ALK: variants seen among roughly 807,000 people sequenced by gnomAD.
The protein encoded by ALK is ALK receptor tyrosine kinase, also known as ALK tyrosine kinase receptor.
In ALK, 74 loss-of-function variants were observed where a neutral mutation model predicts 163.1. The observed-to-expected ratio is 0.45, with a 90% confidence interval of 0.38 to 0.55. The LOEUF is 0.55. Among genes scored for constraint, ALK ranks in the 20% least tolerant of loss-of-function variants. The pLI, the probability that ALK is intolerant of heterozygous loss-of-function variation, is 0.00. For synonymous variants in ALK, 960 were observed against 843.2 expected, an observed-to-expected ratio of 1.14 and a Z score of -2.40; for missense variants, 2,063 against 2,105.3, an observed-to-expected ratio of 0.98 and a Z score of 0.39.
intron 3 of ALK, among the ~76,000 whole-genome samples, chr2:29,584,017 T>C (rs1173056939): frequency 6.6e-6 from 1 of 152,196 alleles, no homozygotes; most frequent in Non-Finnish European, 1.5e-5. Flanking sequence ...TTCTTGGATC[T>C]TAGCCCTGGA....
At chr2:29,676,628 T>C (rs544477821) in intron 3 of ALK, among the ~76,000 whole-genome samples, 1 of 152,148 alleles carries the variant, frequency 6.6e-6, no homozygotes, top group Non-Finnish European at 1.5e-5. Flanking sequence ...AAAAATATTG[T>C]GTCTATTCCA....
At chr2:29,566,183 T>C (rs1674183277) in intron 3 of ALK, among the ~76,000 whole-genome samples, 2 of 152,206 alleles carry the variant, frequency 1.3e-5, no homozygotes, top group Non-Finnish European at 2.9e-5. Flanking sequence ...TTTCTGCATG[T>C]TCGCGAGGGC....
At chr2:29,690,770 C>A (rs1473891894) in intron 3 of ALK, among the ~76,000 whole-genome samples, 1 of 152,192 alleles carries the variant, frequency 6.6e-6, no homozygotes, top group African/African-American at 2.4e-5. Flanking sequence ...AGTTCATTAT[C>A]TTTGATTGGT....
rs180756066 is a variant in ALK, at chr2:29,751,801, G to T, written c.668-34104C>A. ...TTCATGTTCTAGATTTTTAGGGACAGTTCCCAGCTCAAGTATTCTGTCCTC... is the reference window on the plus strand; with the variant it reads ...TTCATGTTCTAGATTTTTAGGGACATTTCCCAGCTCAAGTATTCTGTCCTC... On this transcript the variant is annotated intron_variant, in intron 1 of 28. Transcript: ENST00000389048. 7.2e-5 allele frequency among the ~76,000 whole-genome samples: 11 copies of T among 152,310 alleles called. No individual in the cohort carries two copies. The East Asian group carries it at 2.1e-3, about 29-fold the overall frequency.
At chr2:29,510,105 G>A (rs1214388842) in intron 4 of ALK, among the ~76,000 whole-genome samples, 1 of 152,152 alleles carries the variant, frequency 6.6e-6, no homozygotes, top group African/African-American at 2.4e-5. Context: ...TCTCTCACAG[G>A]GAAGGAGAAG....
At chr2:29,206,177 T>G (rs1254265361) in intron 26 of ALK, among the ~76,000 whole-genome samples, 1 of 151,856 alleles carries the variant, frequency 6.6e-6, no homozygotes, top group African/African-American at 2.4e-5. Context: ...ATACCTCCCC[T>G]TCTTTTCTTC....
At chr2:29,491,784 G>A (rs533724825) in intron 4 of ALK, among the ~76,000 whole-genome samples, 1 of 152,278 alleles carries the variant, frequency 6.6e-6, no homozygotes, top group East Asian at 1.9e-4. Flanking sequence ...GTGACTAAAG[G>A]GGCAGGGAGT....
chr2:29,655,012 T>C (rs1440686001), intron 3 of ALK, among the ~76,000 whole-genome samples: 2 of 152,092 alleles, frequency 1.3e-5, no homozygotes, highest in African/African-American at 2.4e-5. Flanking sequence ...TTCTACCAAC[T>C]GAAGACATCT....
chr2:29,595,788 G>A (rs1675196750), intron 3 of ALK, among the ~76,000 whole-genome samples: 1 of 152,202 alleles, frequency 6.6e-6, no homozygotes, highest in Non-Finnish European at 1.5e-5. Flanking sequence ...GTAAGCCAAT[G>A]AAACAAGTCT....
At chr2:29,563,140 T>G (rs578076503) in intron 3 of ALK, among the ~76,000 whole-genome samples, 1 of 152,330 alleles carries the variant, frequency 6.6e-6, no homozygotes, top group African/African-American at 2.4e-5. Context: ...AGCCTAACTA[T>G]CCACATCTCT....
At chr2:29,780,653 C>G (rs1174219118) in intron 1 of ALK, among the ~76,000 whole-genome samples, 1 of 152,226 alleles carries the variant, frequency 6.6e-6, no homozygotes, top group African/African-American at 2.4e-5. Flanking sequence ...GATATCTGAG[C>G]AGCGCCCTCC....
At chr2:29,241,056 A>G (rs1664510274) in intron 12 of ALK, among the ~76,000 whole-genome samples, 1 of 152,178 alleles carries the variant, frequency 6.6e-6, no homozygotes, top group Admixed American at 6.5e-5. Context: ...CAGGCAAGGA[A>G]CTGAGGTCTT....
At chr2:29,703,184 G>T (rs775156784) in intron 2 of ALK, among the ~76,000 whole-genome samples, 1 of 152,164 alleles carries the variant, frequency 6.6e-6, no homozygotes, top group Non-Finnish European at 1.5e-5. Context: ...TTGTATTGGG[G>T]TTATTTTCCT....
intron 4 of ALK, among the ~76,000 whole-genome samples, chr2:29,516,490 C>T (rs1672669459): frequency 1.3e-5 from 2 of 152,180 alleles, no homozygotes; most frequent in Admixed American, 1.3e-4. Context: ...GAGATGGTCT[C>T]TTCTCACGGG....
intron 1 of ALK, among the ~76,000 whole-genome samples, chr2:29,854,353 G>T (rs7578586): frequency 2.6e-5 from 4 of 151,902 alleles, no homozygotes; most frequent in African/African-American, 9.7e-5. Context: ...TGAATCCCTC[G>T]TGTCTCACTG....
chr2:29,781,123 G>A (rs1336672286), intron 1 of ALK, among the ~76,000 whole-genome samples: 1 of 152,188 alleles, frequency 6.6e-6, no homozygotes, highest in Non-Finnish European at 1.5e-5. Flanking sequence ...AGTTCAAGGG[G>A]TAGTGAGAGA....
chr2:29,662,958 T>C (rs1573536840), intron 3 of ALK, among the ~76,000 whole-genome samples: 1 of 152,242 alleles, frequency 6.6e-6, no homozygotes, highest in East Asian at 1.9e-4. Flanking sequence ...GTCCAGTAGA[T>C]AGTAGGGACT....
chr2:29,200,954 T>C (rs903787906), intron 26 of ALK, among the ~76,000 whole-genome samples: 32 of 151,624 alleles, frequency 2.1e-4, no homozygotes, highest in African/African-American at 5.1e-4. Flanking sequence ...CAAACATTAT[T>C]GCTGATTAAA....
intron 4 of ALK, among the ~76,000 whole-genome samples, chr2:29,510,110 G>A (rs1293782569): frequency 6.6e-6 from 1 of 152,166 alleles, no homozygotes; most frequent in Non-Finnish European, 1.5e-5. Context: ...CACAGGGAAG[G>A]AGAAGAAATC....
Sources: gnomAD v4.1 joint callset for allele counts (sites outside exome capture counted in the v4.1 genomes callset) on GRCh38, gnomAD v4.1.1 for gene constraint, MANE v1.5 for transcripts, NCBI Gene and HGNC (gene_info 2026-07-23, HGNC 2026-07-21) for gene names.